REDIC1: variants seen among roughly 807,000 people sequenced by gnomAD.
The protein encoded by REDIC1 is regulator of DNA class I crossover intermediates 1.
the REDIC1 span, among the ~76,000 whole-genome samples, chr12:39,833,703 C>A: frequency 6.6e-6 from 1 of 151,988 alleles, no homozygotes; most frequent in Admixed American, 6.6e-5. Flanking sequence ...GAAACTTTTC[C>A]TGTCCCCAAT....
At chr12:39,900,604 T>A in the REDIC1 span, among the ~76,000 whole-genome samples, 53 of 152,050 alleles carry the variant, frequency 3.5e-4, no homozygotes, top group African/African-American at 1.1e-3. Flanking sequence ...TCAAAGAGAA[T>A]AAAATACCTA....
At chr12:39,653,548 C>CT in the REDIC1 span, among the ~76,000 whole-genome samples, 4 of 132,290 alleles carry the variant, frequency 3.0e-5, no homozygotes, top group South Asian at 2.4e-4. Flanking sequence ...TTTTCTTCTT[C>CT]TTCTTCTTCT....
chr12:39,774,805 G>T, the REDIC1 span, among the ~76,000 whole-genome samples: 1 of 151,998 alleles, frequency 6.6e-6, no homozygotes, highest in Non-Finnish European at 1.5e-5. Context: ...ATAAATCATT[G>T]CATCTAAACT....
chr12:39,849,848 T>G, the REDIC1 span, among the ~76,000 whole-genome samples: 1 of 152,282 alleles, frequency 6.6e-6, no homozygotes, highest in South Asian at 2.1e-4. Flanking sequence ...GGCTACTCCC[T>G]TCTTTTTTTT....
chr12:39,692,270 T>C, the REDIC1 span: 1 of 639,364 alleles, frequency 1.6e-6, no homozygotes, highest in Non-Finnish European at 2.4e-6. Context: ...AAAATTACTT[T>C]TATATTTTAT....
At chr12:39,636,789 T>C in the REDIC1 span, among the ~76,000 whole-genome samples, 1 of 152,082 alleles carries the variant, frequency 6.6e-6, no homozygotes, top group Non-Finnish European at 1.5e-5. Flanking sequence ...ACTGACAGTA[T>C]ATGGTGTTTA....
At chr12:39,762,305 T>C in the REDIC1 span, among the ~76,000 whole-genome samples, 1 of 152,084 alleles carries the variant, frequency 6.6e-6, no homozygotes, top group Non-Finnish European at 1.5e-5. Context: ...ATCAGGACTA[T>C]TGAACAGTTA....
chr12:39,733,860 G>C, the REDIC1 span, among the ~76,000 whole-genome samples: 2 of 152,326 alleles, frequency 1.3e-5, no homozygotes, highest in South Asian at 4.1e-4. Context: ...GGGATCTGCT[G>C]AACTAGGCTA....
the REDIC1 span, among the ~76,000 whole-genome samples, chr12:39,714,197 A>G: frequency 5.6e-5 from 1 of 17,956 alleles, no homozygotes; most frequent in African/African-American, 1.2e-4. Context: ...ATATGTATAT[A>G]TGTATATACA....
At chr12:39,628,064 T>C in the REDIC1 span, among the ~76,000 whole-genome samples, 18 of 152,060 alleles carry the variant, frequency 1.2e-4, no homozygotes, top group Non-Finnish European at 2.1e-4. Context: ...GAGAATCATG[T>C]TTTTGGAGCA....
At chr12:39,721,472 A>G in the REDIC1 span, 5 of 451,410 alleles carry the variant, frequency 1.1e-5, no homozygotes, top group Admixed American at 4.1e-5. Context: ...GCTTTGGTAT[A>G]TGGTAGAGTT....
chr12:39,703,131 A>AG, the REDIC1 span, among the ~76,000 whole-genome samples: 2 of 152,224 alleles, frequency 1.3e-5, no homozygotes, highest in Admixed American at 6.5e-5. Context: ...TTAGGAAAAG[A>AG]GGAAGCCAAA....
chr12:39,882,574 A>G, the REDIC1 span, among the ~76,000 whole-genome samples: 684 of 152,286 alleles, frequency 4.5e-3, 4 homozygotes, highest in Non-Finnish European at 6.8e-3. Flanking sequence ...ATGCTTTCAT[A>G]GCATTTCCCT....
the REDIC1 span, chr12:39,756,809 T>A: frequency 2.0e-5 from 3 of 151,638 alleles, no homozygotes; most frequent in Non-Finnish European, 3.0e-5. Context: ...CCTTTTAGAG[T>A]GAATAACTTA....
the REDIC1 span, among the ~76,000 whole-genome samples, chr12:39,733,846 G>A: frequency 6.6e-6 from 1 of 152,208 alleles, no homozygotes; most frequent in East Asian, 1.9e-4. Context: ...GGCTCTGTGG[G>A]GGTGGGATCT....
At chr12:39,732,815 T>C in the REDIC1 span, among the ~76,000 whole-genome samples, 1 of 152,228 alleles carries the variant, frequency 6.6e-6, no homozygotes, top group African/African-American at 2.4e-5. Flanking sequence ...CAAAGATGGT[T>C]CCTCAGTCCT....
At chr12:39,629,866 T>C in the REDIC1 span, among the ~76,000 whole-genome samples, 3 of 152,184 alleles carry the variant, frequency 2.0e-5, no homozygotes, top group Admixed American at 2.0e-4. Context: ...AATGGACTTT[T>C]TTCTTTTTTT....
chr12:39,858,947 G>A, the REDIC1 span, among the ~76,000 whole-genome samples: 1 of 152,104 alleles, frequency 6.6e-6, no homozygotes, highest in Admixed American at 6.5e-5. Flanking sequence ...TTTTATGATC[G>A]AATCTGACAG....
the REDIC1 span, among the ~76,000 whole-genome samples, chr12:39,687,338 G>A: frequency 1.3e-5 from 2 of 152,258 alleles, no homozygotes; most frequent in Non-Finnish European, 2.9e-5. Flanking sequence ...AGATTAATTG[G>A]CTCACGGTTT....
Sources: allele counts gnomAD v4.1 joint callset (sites outside exome capture counted in the v4.1 genomes callset), GRCh38; gene constraint gnomAD v4.1.1; transcripts MANE v1.5; gene names NCBI Gene and HGNC (gene_info 2026-07-23, HGNC 2026-07-21).